ZSCAN16: variants seen among roughly 807,000 people sequenced by gnomAD.
ZSCAN16 encodes zinc finger and SCAN domain-containing protein 16.
In ZSCAN16, 15 loss-of-function variants were observed where a neutral mutation model predicts 19.4. The observed-to-expected ratio is 0.77, with a 90% confidence interval of 0.52 to 1.19. ZSCAN16 has a LOEUF of 1.19. Among genes scored for constraint, ZSCAN16 ranks in the 50% most tolerant of loss-of-function variants. The pLI is 0.00. For missense variants in ZSCAN16, 327 were observed against 415.7 expected, an observed-to-expected ratio of 0.79 and a Z score of 1.86; for synonymous variants, 138 against 146.5, an observed-to-expected ratio of 0.94 and a Z score of 0.42.
intron 2 of ZSCAN16, among the ~76,000 whole-genome samples, chr6:28,126,268 TA>T (rs60347036): frequency 0.21 from 32,291 of 150,942 alleles, 3,555 homozygotes; most frequent in African/African-American, 0.24. Flanking sequence ...GTAGCCACAT[TA>T]AAAAAAAAGG....
At position 28,129,627 on chromosome 6, in the gene ZSCAN16, G is replaced by A. The variant is rs1765000131; in HGVS notation, c.724G>A (p.Gly242Arg). The change falls in exon 4 of 4, where the codon GGG becomes AGG. Residue 242 changes from glycine (G) to arginine (R), a missense_variant. By Grantham distance (125) the Gly-to-Arg change is moderately radical (BLOSUM62 -2). Coordinates refer to ENST00000340487, the MANE Select transcript of ZSCAN16 (RefSeq NM_025231.3). ...AAGACGATATAAATGTGATGAATGT[G>A]GGAAAAGTTTCAGTCATAGCTCAGA... ...ERRRYKCDEC[G>R]KSFSHSSDLS... The A allele has an allele frequency of 6.2e-7, 1 of 1,614,186 alleles. No homozygotes were observed. The highest frequency in any genetic ancestry group is 1.7e-5 in the Admixed American group (1 of 60,024).
intron 2 of ZSCAN16, among the ~76,000 whole-genome samples, chr6:28,126,194 T>C (rs1764897312): frequency 6.6e-6 from 1 of 152,144 alleles, no homozygotes; most frequent in African/African-American, 2.4e-5. Flanking sequence ...ATGTCAAGGA[T>C]ATTGCAGAAT....
rs1245948001 is a variant in ZSCAN16, at chr6:28,129,466, AGAAG to A, written c.568_571del (p.Glu190IlefsTer12). ...AGGACTAAGAATGAAGAGTTGTTCC[AGAAG>A]GAAGATATGCCCAAAGACAAGGAAT... On this transcript the variant is annotated frameshift_variant, in exon 4 of 4. Coordinates refer to ENST00000340487, the MANE Select transcript of ZSCAN16 (RefSeq NM_025231.3). LOFTEE classifies it low-confidence loss of function (END_TRUNC). 2.5e-6 allele frequency: 4 copies of A among 1,613,042 alleles called. No homozygotes were observed. The highest frequency in any genetic ancestry group is 2.2e-5 in the East Asian group (1 of 44,888).
In ZSCAN16 at chr6:28,125,269, T is replaced by C. The variant is rs551442814; in HGVS notation, c.-31-144T>C. ...CAGCTTCCTATAAGACTGTTTTCTC[T>C]GATTGACTTCTGGTGGCTTGGCTTC... On this transcript the variant is annotated intron_variant, in intron 1 of 3. Coordinates refer to ENST00000340487, the MANE Select transcript of ZSCAN16 (RefSeq NM_025231.3). The surrounding 1 kb of genome is among the most constrained non-coding windows in gnomAD (Gnocchi z 6.2). The C allele has an allele frequency of 1.4e-5, 13 of 900,042 alleles. No individual in the cohort carries two copies. The African/African-American group carries it at 1.7e-4, about 12-fold the overall frequency. The allele number at this position is 900,042 out of a possible 1,614,324, so 55.8% of individuals were successfully genotyped here.
chr6:28,126,821 C>A lies in ZSCAN16; in HGVS notation c.426C>A (p.Asp142Glu), dbSNP rs778995345. The change falls in exon 3 of 4, where the codon GAC becomes GAA. Residue 142 changes from aspartate to glutamate, a missense_variant. Asp to Glu is a conservative substitution (Grantham distance 45). Transcript: ENST00000340487. ...CAGAAAGACGGGACATACTCATGGA[C>A]AAGTTGGCCCCCTTGGGAAGGCCAT... ...GNSERRDILM[D>E]KLAPLGRPYE... 23 of 1,578,946 alleles carry A rather than the reference C, an allele frequency of 1.5e-5. No individual in the cohort carries two copies. The highest frequency in any genetic ancestry group is 1.9e-5 in the Non-Finnish European group (22 of 1,157,212).
At position 28,129,763 on chromosome 6, in the gene ZSCAN16, C is replaced by T. The variant is rs779109473; in HGVS notation, c.860C>T (p.Thr287Met). Residue 287 changes from threonine (T) to methionine (M), a missense_variant, in exon 4 of 4, where the codon ACG (threonine) becomes ATG (methionine). Transcript: ENST00000340487. ...SHLIGHHRVH[T>M]GVKPYKCKEC... ...CTCATTGGACATCATAGAGTACACA[C>T]GGGAGTAAAACCCTATAAATGTAAA... 30 of 1,613,934 alleles carry T rather than the reference C, an allele frequency of 1.9e-5. No homozygotes were observed. The highest frequency in any genetic ancestry group is 1.2e-4 in the Admixed American group (7 of 60,000).
intron 3 of ZSCAN16, 74 bp downstream of exon 3, chr6:28,126,995 A>G (rs1404039803): frequency 1.6e-6 from 2 of 1,280,996 alleles, no homozygotes; most frequent in Non-Finnish European, 2.0e-6. Context: ...TCTCACTTTC[A>G]TCTTCTCCTT....
Position 28,126,919 on chromosome 6 carries a change from A to T in ZSCAN16, c.524A>T (p.Asn175Ile), listed in dbSNP as rs771671272. The T allele has an allele frequency of 8.9e-6, 14 of 1,573,936 alleles. No individual in the cohort carries two copies. Among genetic ancestry groups the T allele is most frequent in the Non-Finnish European group, 1.1e-5 (13 of 1,153,988 alleles). ...LEQEAGKPQRNGDKTRTKNEE... is the reference protein window; with the variant it reads ...LEQEAGKPQRIGDKTRTKNEE... Reference sequence around the variant, plus strand: ...CAGGAAGCTGGGAAACCACAAAGGAATGGTAAGCAGGAACAGTTCTGAGTG... The same window carrying T: ...CAGGAAGCTGGGAAACCACAAAGGATTGGTAAGCAGGAACAGTTCTGAGTG... Residue 175 changes from asparagine to isoleucine, a missense_variant and splice_region_variant, in exon 3 of 4, where the codon AAT (asparagine) becomes ATT (isoleucine). Coordinates refer to ENST00000340487, the MANE Select transcript of ZSCAN16 (RefSeq NM_025231.3).
chr6:28,128,301 C>T (rs1443503096), intron 3 of ZSCAN16, among the ~76,000 whole-genome samples: 2 of 151,994 alleles, frequency 1.3e-5, no homozygotes, highest in African/African-American at 4.8e-5. Context: ...TTGATTCATT[C>T]ATCTTTCACT....
At chr6:28,127,582 A>C (rs553402629) in intron 3 of ZSCAN16, among the ~76,000 whole-genome samples, 1 of 152,334 alleles carries the variant, frequency 6.6e-6, no homozygotes, top group Admixed American at 6.5e-5. Context: ...TCAATGTATG[A>C]ATTTGTGGAG....
At position 28,126,810 on chromosome 6, in the gene ZSCAN16, A is replaced by G; in HGVS notation, c.415A>G (p.Ile139Val). ...QVPGNSERRD[I>V]LMDKLAPLGR... is the part of the protein sequence containing the mutation. ...CCCAGGCAATTCAGAAAGACGGGAC[A>G]TACTCATGGACAAGTTGGCCCCCTT... is the stretch of plus-strand genomic sequence containing the variant. Residue 139 changes from isoleucine (I) to valine (V), a missense_variant, in exon 3 of 4, where the codon ATA (isoleucine) becomes GTA (valine). Ile to Val is a conservative substitution (Grantham distance 29). Coordinates refer to ENST00000340487, the MANE Select transcript of ZSCAN16 (RefSeq NM_025231.3). The G allele has an allele frequency of 6.4e-7, 1 of 1,563,312 alleles. No individual in the cohort carries two copies.
In ZSCAN16 at chr6:28,129,915, C is replaced by A; in HGVS notation, c.1012C>A (p.His338Asn). The change falls in exon 4 of 4, where the codon CAT becomes AAT. Residue 338 changes from histidine (H) to asparagine (N), a missense_variant. Coordinates refer to ENST00000340487, the MANE Select transcript of ZSCAN16 (RefSeq NM_025231.3). Reference protein sequence around the residue: ...PFRVSSALIRHQRIHTANKLY With the variant: ...PFRVSSALIRNQRIHTANKLY The stretch of plus-strand genomic sequence containing the variant: ...CCGAGTAAGTTCAGCTCTTATTAGA[C>A]ATCAAAGAATTCATACCGCAAATAA... 6.3e-7 allele frequency: 1 copy of A among 1,599,176 alleles called. No homozygotes were observed. Among genetic ancestry groups the A allele is most frequent in the South Asian group, 1.1e-5 (1 of 88,626 alleles).
chr6:28,127,713 C>A (rs1764946425), intron 3 of ZSCAN16, among the ~76,000 whole-genome samples: 1 of 152,102 alleles, frequency 6.6e-6, no homozygotes, highest in African/African-American at 2.4e-5. Context: ...TGGGTTTTAT[C>A]CCCCATCCCA....
At chr6:28,126,991 T>C in intron 3 of ZSCAN16, 70 bp downstream of exon 3, 1 of 1,290,416 alleles carries the variant, frequency 7.7e-7, no homozygotes, top group East Asian at 2.8e-5. Flanking sequence ...ACTTTCTCAC[T>C]TTCATCTTCT....
At chr6:28,127,564 T>G (rs1481941128) in intron 3 of ZSCAN16, among the ~76,000 whole-genome samples, 1 of 152,134 alleles carries the variant, frequency 6.6e-6, no homozygotes, top group East Asian at 1.9e-4. Context: ...TTGAAAGGGG[T>G]TAGGGCTTCA....
chr6:28,126,619 T>C (rs573579494), intron 2 of ZSCAN16, among the ~76,000 whole-genome samples, 164 bp from the exon 3 acceptor site: 1 of 152,238 alleles, frequency 6.6e-6, no homozygotes, highest in South Asian at 2.1e-4. Context: ...TCCTGAATTG[T>C]AGAGATTAGC....
In ZSCAN16 at chr6:28,129,413, CTGTT is replaced by C. The variant is rs1274847943; in HGVS notation, c.527-8_527-5del. 6 of 1,583,920 alleles carry C rather than the reference CTGTT, an allele frequency of 3.8e-6. No homozygotes were observed. Among genetic ancestry groups the C allele is most frequent in the Non-Finnish European group, 2.6e-6 (3 of 1,166,360 alleles). On this transcript the variant is annotated splice_polypyrimidine_tract_variant and intron_variant, in intron 3 of 3. Coordinates refer to ENST00000340487, the MANE Select transcript of ZSCAN16 (RefSeq NM_025231.3). ...ACATAGAATAGGACCCGTTTGTGTA[CTGTT>C]TGTTTGTTACAGGTGATAAAACTAG...
rs1200812702 is a variant in ZSCAN16 at position 28,129,872 on chromosome 6, T to C, written c.969T>C (p.Asp323=). 1.9e-6 allele frequency: 3 copies of C among 1,614,020 alleles called. No individual in the cohort carries two copies. The highest frequency in any genetic ancestry group is 1.7e-5 in the Admixed American group (1 of 59,996). ...CAGGTGAAAAACCCTATGAATGTGA[T>C]GAGTGTGGAAGGCCTTTCCGAGTAA... ...IHTGEKPYEC[D]ECGRPFRVSS... The change falls in exon 4 of 4, where the codon GAT becomes GAC. Residue 323 remains aspartate, a synonymous_variant. Coordinates refer to ENST00000340487, the MANE Select transcript of ZSCAN16 (RefSeq NM_025231.3).
chr6:28,129,013 T>TA (rs1491329021), intron 3 of ZSCAN16, among the ~76,000 whole-genome samples: 4 of 152,180 alleles, frequency 2.6e-5, no homozygotes, highest in African/African-American at 9.6e-5. Flanking sequence ...ACTTGCCACC[T>TA]ATGTTTCAGG....
Sources: gnomAD v4.1 joint callset for allele counts (sites outside exome capture counted in the v4.1 genomes callset) on GRCh38, gnomAD v4.1.1 for gene constraint, Gnocchi (gnomAD v3.1) non-coding constraint, MANE v1.5 for transcripts, NCBI Gene and HGNC (gene_info 2026-07-23, HGNC 2026-07-21) for gene names.